Variants in PRICKLE2 observed in about 807,000 individuals in gnomAD.
The protein encoded by PRICKLE2 is prickle planar cell polarity protein 2.
PRICKLE2 carries 21 observed loss-of-function variants against 81.4 expected under a neutral mutation model. The observed-to-expected ratio is 0.26, with a 90% confidence interval of 0.18 to 0.37. PRICKLE2 has a LOEUF of 0.37. Among genes scored for constraint, PRICKLE2 ranks in the 10% least tolerant of loss-of-function variants. The pLI, the probability that PRICKLE2 is intolerant of heterozygous loss-of-function variation, is 1.00. For missense variants in PRICKLE2, 940 were observed against 1,109.0 expected (o/e 0.85, Z 2.16); for synonymous variants, 456 against 421.5 (o/e 1.08, Z -1.00).
At chr3:64,149,666 T>C (rs909466094) in intron 6 of PRICKLE2, among the ~76,000 whole-genome samples, 3 of 152,160 alleles carry the variant, frequency 2.0e-5, no homozygotes, top group Admixed American at 2.0e-4. Flanking sequence ...GAGACTTGTC[T>C]AAAGAGGCAA....
intron 7 of PRICKLE2, among the ~76,000 whole-genome samples, chr3:64,106,310 C>T (rs1178090190): frequency 1.3e-5 from 2 of 152,156 alleles, no homozygotes; most frequent in Non-Finnish European, 2.9e-5. Flanking sequence ...TGAACCAAAT[C>T]CAGCTCACCG....
At chr3:64,223,097 T>C (rs2078980757) in intron 1 of PRICKLE2, among the ~76,000 whole-genome samples, 1 of 152,256 alleles carries the variant, frequency 6.6e-6, no homozygotes, top group Non-Finnish European at 1.5e-5. Context: ...GCATCTTTTC[T>C]GCTAGCAAAA....
intron 7 of PRICKLE2, among the ~76,000 whole-genome samples, chr3:64,133,144 G>A (rs750909750): frequency 1.3e-5 from 2 of 152,054 alleles, no homozygotes; most frequent in African/African-American, 2.4e-5. Flanking sequence ...CTACCCTAAC[G>A]TGCCCCTATA....
intron 7 of PRICKLE2, among the ~76,000 whole-genome samples, chr3:64,142,990 C>G (rs190201187): frequency 3.9e-5 from 6 of 152,024 alleles, no homozygotes; most frequent in Non-Finnish European, 8.8e-5. Context: ...GACTCCAGAA[C>G]CAGTAATCCT....
intron 2 of PRICKLE2, among the ~76,000 whole-genome samples, chr3:64,242,093 C>G (rs975994808): frequency 2.0e-5 from 3 of 152,068 alleles, no homozygotes; most frequent in Admixed American, 6.6e-5. Context: ...TATCTTTTCT[C>G]TTTTTTGCAA....
At chr3:64,162,159 G>A (rs2077746065) in intron 3 of PRICKLE2, among the ~76,000 whole-genome samples, 4 of 152,116 alleles carry the variant, frequency 2.6e-5, no homozygotes, top group Admixed American at 2.6e-4. Flanking sequence ...GGGTTGGAGA[G>A]TTGGTAGAAA....
intron 2 of PRICKLE2, among the ~76,000 whole-genome samples, chr3:64,232,098 T>G (rs13060022): frequency 1.0e-3 from 157 of 152,346 alleles, no homozygotes; most frequent in Non-Finnish European, 1.8e-3. Context: ...CATAGAGTGT[T>G]GCACTCTTAG....
intron 2 of PRICKLE2, among the ~76,000 whole-genome samples, chr3:64,251,042 C>T (rs969133963): frequency 9.9e-5 from 15 of 152,222 alleles, no homozygotes; most frequent in Admixed American, 1.3e-4. Flanking sequence ...TATCAGATCA[C>T]GAGGGCAGGG....
intron 7 of PRICKLE2, among the ~76,000 whole-genome samples, chr3:64,121,197 T>C (rs1245067730): frequency 6.6e-6 from 1 of 152,108 alleles, no homozygotes; most frequent in Non-Finnish European, 1.5e-5. Flanking sequence ...TTTATATCAA[T>C]CCAGCTCGTG....
intron 5 of PRICKLE2, among the ~76,000 whole-genome samples, chr3:64,155,484 C>T (rs1009222919): frequency 6.6e-6 from 1 of 151,916 alleles, no homozygotes; most frequent in Admixed American, 6.6e-5. Flanking sequence ...TTTGGCATTC[C>T]CTCAAAAAGT....
rs985202490 is a variant in PRICKLE2, at chr3:64,099,993, C to G, written c.1661-68G>C. 2.0e-6 allele frequency: 3 copies of G among 1,529,434 alleles called. No individual in the cohort carries two copies. The highest frequency in any genetic ancestry group is 1.4e-5 in the African/African-American group (1 of 73,138). 94.7% of individuals were successfully genotyped at this position (1,529,434 alleles called of 1,614,324 possible). A position where few individuals can be genotyped will look rare whatever the true frequency, so the allele number is the denominator to read the frequency against. ...GCAGCAATGGGTATCACTGTCACTG[C>G]TGGTCATCTATCTAGGGTCATTATA... On this transcript the variant is annotated intron_variant, in intron 7 of 7. Transcript: ENST00000638394. The surrounding 1 kb of genome is among the most constrained non-coding windows in gnomAD (Gnocchi z 4.3).
intron 7 of PRICKLE2, among the ~76,000 whole-genome samples, chr3:64,142,354 A>C (rs2077376434): frequency 6.7e-6 from 1 of 150,158 alleles, no homozygotes. Context: ...CTCTGTCAAA[A>C]GGCTGGGGTG....
chr3:64,244,713 A>G (rs2079320817), intron 2 of PRICKLE2, among the ~76,000 whole-genome samples: 1 of 152,138 alleles, frequency 6.6e-6, no homozygotes, highest in Non-Finnish European at 1.5e-5. Flanking sequence ...CATACATGCC[A>G]CAAAACACAA....
At chr3:64,166,440 A>G (rs1267520354) in intron 2 of PRICKLE2, among the ~76,000 whole-genome samples, 3 of 152,178 alleles carry the variant, frequency 2.0e-5, no homozygotes, top group African/African-American at 7.2e-5. Context: ...GAAACTTAGG[A>G]GTAAATAAGT....
intron 4 of PRICKLE2, among the ~76,000 whole-genome samples, chr3:64,159,074 C>T (rs1682642858): frequency 6.6e-6 from 1 of 152,102 alleles, no homozygotes; most frequent in Non-Finnish European, 1.5e-5. Flanking sequence ...GTGTTCCCAC[C>T]CTGCAGTCTC....
rs1280846960 is a variant in PRICKLE2, at chr3:64,096,170, A to G, written c.*2881T>C. On this transcript the variant is annotated 3_prime_UTR_variant, in exon 8 of 8. Coordinates refer to ENST00000638394, the MANE Select transcript of PRICKLE2 (RefSeq NM_198859.4). ...ATCAATATTAGGAGAGGTGGGAAAA[A>G]TAACAACCAGGGCATTGGAGAAGAG... The G allele has an allele frequency of 1.3e-5, 2 of 152,258 alleles. No individual in the cohort carries two copies. The highest frequency in any genetic ancestry group is 2.9e-5 in the Non-Finnish European group (2 of 68,058). The allele number at this position is 152,258 out of a possible 1,614,324, so 9.4% of individuals were successfully genotyped here. A position where few individuals can be genotyped will look rare whatever the true frequency, so the allele number is the denominator to read the frequency against.
intron 5 of PRICKLE2, 44 bp downstream of exon 5, chr3:64,157,118 T>C: frequency 6.4e-7 from 1 of 1,555,444 alleles, no homozygotes; most frequent in Non-Finnish European, 8.9e-7. Context: ...TATGGTGCAA[T>C]GAAGGGGTGA....
chr3:64,262,048 A>G (rs924440988), intron 2 of PRICKLE2, among the ~76,000 whole-genome samples: 1 of 152,200 alleles, frequency 6.6e-6, no homozygotes, highest in African/African-American at 2.4e-5. Context: ...ATTTACATAC[A>G]GCAAAATCCA....
At chr3:64,107,569 C>A (rs560225628) in intron 7 of PRICKLE2, among the ~76,000 whole-genome samples, 1 of 152,132 alleles carries the variant, frequency 6.6e-6, no homozygotes, top group Non-Finnish European at 1.5e-5. Flanking sequence ...TTACCAGGCA[C>A]GGTGGCTCAC....
Sources: allele counts gnomAD v4.1 joint callset (sites outside exome capture counted in the v4.1 genomes callset), GRCh38; gene constraint gnomAD v4.1.1; non-coding constraint Gnocchi (gnomAD v3.1); transcripts MANE v1.5; gene names NCBI Gene and HGNC (gene_info 2026-07-23, HGNC 2026-07-21).